Variants in RYR2 observed in about 807,000 individuals in gnomAD.
The protein encoded by RYR2 is cardiac muscle ryanodine receptor-calcium release channel.
Under a neutral mutation model 601.1 loss-of-function variants are expected in RYR2, and 227 were observed. The observed-to-expected ratio is 0.38, with a 90% CI of 0.34 to 0.42. The LOEUF (loss-of-function observed/expected upper bound fraction) is 0.42. Ranked by LOEUF, RYR2 falls within the 10% of genes least tolerant of loss-of-function variation. The pLI, the probability that RYR2 is intolerant of heterozygous loss-of-function variation, is 1.00. For missense variants in RYR2, 4,646 were observed against 6,156.5 expected (o/e 0.75, Z 8.21); for synonymous variants, 2,223 against 2,175.1 (o/e 1.02, Z -0.61).
At chr1:237,254,026 G>C (rs1010581997) in intron 1 of RYR2, among the ~76,000 whole-genome samples, 1 of 152,166 alleles carries the variant, frequency 6.6e-6, no homozygotes, top group African/African-American at 2.4e-5. Context: ...CATACACACA[G>C]AGCTATGAAA....
chr1:237,491,884 C>T lies in RYR2; in HGVS notation c.1787C>T (p.Ser596Phe). 7.0e-7 allele frequency: 1 copy of T among 1,434,604 alleles called. No individual in the cohort carries two copies. The highest frequency in any genetic ancestry group is 9.6e-7 in the Non-Finnish European group (1 of 1,040,184). The allele number at this position is 1,434,604 out of a possible 1,614,324, so 88.9% of individuals were successfully genotyped here. A position where few individuals can be genotyped will look rare whatever the true frequency, so the allele number is the denominator to read the frequency against. ...ATTATTAAAGAAGGACATATTAAATCTATTATCTCACTTTTAGACAAACAT... is the reference window on the plus strand; with the variant it reads ...ATTATTAAAGAAGGACATATTAAATTTATTATCTCACTTTTAGACAAACAT... The part of the protein sequence containing the change: ...LNIIKEGHIK[S>F]IISLLDKHGR... The change falls in exon 18 of 105, where the codon TCT becomes TTT. Residue 596 changes from serine to phenylalanine, a missense_variant. Physicochemically the swap from Ser to Phe is radical, Grantham distance 155. Coordinates refer to ENST00000366574, the MANE Select transcript of RYR2 (RefSeq NM_001035.3).
Position 237,819,188 on chromosome 1 carries a change from A to T in RYR2, c.14586A>T (p.Ile4862=). The T allele has an allele frequency of 6.2e-7, 1 of 1,613,190 alleles. No individual in the cohort carries two copies. Among genetic ancestry groups the T allele is most frequent in the Non-Finnish European group, 8.5e-7 (1 of 1,179,228 alleles). The part of the protein sequence containing the change: ...FFVIVILLAI[I]QGLIIDAFGE... ...TTATTGTCATTCTCTTGGCCATAAT[A>T]CAAGGTAAGTATCCTCCTCACTGAA... Residue 4862 remains isoleucine (I), a synonymous_variant, in exon 101 of 105, where the codon ATA becomes ATT. Transcript: ENST00000366574. The surrounding 1 kb of genome is among the most constrained non-coding windows in gnomAD (Gnocchi z 4.0).
intron 2 of RYR2, among the ~76,000 whole-genome samples, chr1:237,275,596 G>A (rs182853665): frequency 2.2e-4 from 33 of 151,826 alleles, no homozygotes; most frequent in African/African-American, 7.7e-4. Context: ...CTCAGAAGTT[G>A]CAAAGAGAAA....
chr1:237,756,735 C>G (rs1271754707), intron 81 of RYR2, among the ~76,000 whole-genome samples: 1 of 152,168 alleles, frequency 6.6e-6, no homozygotes, highest in Non-Finnish European at 1.5e-5. Flanking sequence ...GTTATGCAAC[C>G]TGTCACAGCT....
intron 14 of RYR2, 123 bp downstream of exon 14, chr1:237,445,645 A>T: frequency 8.6e-7 from 1 of 1,168,844 alleles, no homozygotes; most frequent in Admixed American, 2.4e-5. Context: ...TTGGTAAGTC[A>T]GCAGAAACGT....
intron 16 of RYR2, among the ~76,000 whole-genome samples, chr1:237,457,264 C>T (rs11800267): frequency 0.45 from 69,078 of 151,932 alleles, 17,828 homozygotes; most frequent in East Asian, 0.69. Context: ...TCTCTCTATT[C>T]TTTATATGAT....
At chr1:237,624,914 TG>T (rs962491172) in intron 39 of RYR2, among the ~76,000 whole-genome samples, 5 of 152,136 alleles carry the variant, frequency 3.3e-5, no homozygotes, top group Non-Finnish European at 7.4e-5. Context: ...CATATTAATT[TG>T]GTTTATGAAT....
chr1:237,414,049 T>G (rs1704696179), intron 10 of RYR2, among the ~76,000 whole-genome samples: 1 of 152,188 alleles, frequency 6.6e-6, no homozygotes, highest in African/African-American at 2.4e-5. Context: ...TTTTTGTTTA[T>G]GATCAGAAAA....
Position 237,255,235 on chromosome 1 carries a change from G to A in RYR2, c.49-15262G>A, listed in dbSNP as rs550340372. On this transcript the variant is annotated intron_variant, in intron 1 of 104. Coordinates refer to ENST00000366574, the MANE Select transcript of RYR2 (RefSeq NM_001035.3). The stretch of plus-strand genomic sequence containing the variant: ...TTACTGTTTGGTGAATGTATCTGTC[G>A]ATGTTAATCTCATCTCACATGAAAC... Among the ~76,000 whole-genome samples the A allele has an allele frequency of 4.6e-5, 7 of 152,296 alleles. No individual in the cohort carries two copies. In the East Asian group the frequency reaches 7.7e-4, roughly 17 times the overall value.
chr1:237,247,282 A>C (rs1212900275), intron 1 of RYR2, among the ~76,000 whole-genome samples: 2 of 152,184 alleles, frequency 1.3e-5, no homozygotes, highest in African/African-American at 4.8e-5. Flanking sequence ...TGTTTCTTTA[A>C]AAACTGCCTT....
chr1:237,691,341 TA>T (rs1009570319), intron 63 of RYR2, among the ~76,000 whole-genome samples: 13 of 150,822 alleles, frequency 8.6e-5, no homozygotes, highest in East Asian at 3.9e-4. Flanking sequence ...ACAGGAGCAT[TA>T]AAAAAAAATG....
chr1:237,173,979 C>G (rs1677721982), intron 1 of RYR2, among the ~76,000 whole-genome samples: 1 of 152,072 alleles, frequency 6.6e-6, no homozygotes, highest in Non-Finnish European at 1.5e-5. Context: ...ATGGCATGAA[C>G]CTGGGAGGCA....
chr1:237,631,924 C>T lies in RYR2; in HGVS notation c.6555+383C>T, dbSNP rs182951386. On this transcript the variant is annotated intron_variant, in intron 42 of 104. Coordinates refer to ENST00000366574, the MANE Select transcript of RYR2 (RefSeq NM_001035.3). ...CTGGGATTACAGGCGTGAGCCACCG[C>T]GCCCAGCCCAGATTGTAGATTCTTA... Among the ~76,000 whole-genome samples, 992 of 151,972 alleles carry T rather than the reference C, an allele frequency of 6.5e-3. 11 individuals carry two copies. The highest frequency in any genetic ancestry group is 0.022 in the African/African-American group (898 of 41,414).
At chr1:237,175,407 C>G (rs1272552949) in intron 1 of RYR2, among the ~76,000 whole-genome samples, 1 of 150,882 alleles carries the variant, frequency 6.6e-6, no homozygotes, top group Non-Finnish European at 1.5e-5. Context: ...ATTTTTTTTT[C>G]TTTTTTGGCC....
chr1:237,692,375 T>C (rs940913311), intron 63 of RYR2, among the ~76,000 whole-genome samples: 3 of 152,216 alleles, frequency 2.0e-5, no homozygotes, highest in Non-Finnish European at 4.4e-5. Context: ...CCCCTCCTGC[T>C]TCTCTCAACT....
intron 3 of RYR2, among the ~76,000 whole-genome samples, chr1:237,346,980 C>A (rs949272712): frequency 6.6e-6 from 1 of 151,976 alleles, no homozygotes; most frequent in East Asian, 1.9e-4. Flanking sequence ...AGGTAGATAC[C>A]TCAGTTTGAG....
chr1:237,192,386 T>C (rs1680069449), intron 1 of RYR2, among the ~76,000 whole-genome samples: 1 of 152,042 alleles, frequency 6.6e-6, no homozygotes, highest in Non-Finnish European at 1.5e-5. Flanking sequence ...ATTTTTTTTT[T>C]GTATTTTTAG....
chr1:237,490,289 T>C (rs1016260597), intron 17 of RYR2, among the ~76,000 whole-genome samples: 1 of 152,238 alleles, frequency 6.6e-6, no homozygotes, highest in Non-Finnish European at 1.5e-5. Context: ...TTATGCAATA[T>C]ATCCATGTAA....
intron 6 of RYR2, among the ~76,000 whole-genome samples, chr1:237,371,215 G>T (rs1410170052): frequency 2.0e-5 from 3 of 152,014 alleles, no homozygotes; most frequent in African/African-American, 7.3e-5. Context: ...AGGTGCAGTG[G>T]TATGATCATG....
Sources: gnomAD v4.1 joint callset for allele counts (sites outside exome capture counted in the v4.1 genomes callset) on GRCh38, gnomAD v4.1.1 for gene constraint, Gnocchi (gnomAD v3.1) non-coding constraint, MANE v1.5 for transcripts, NCBI Gene and HGNC (gene_info 2026-07-23, HGNC 2026-07-21) for gene names.